PDLIM5: variants seen among roughly 807,000 people sequenced by gnomAD.
The protein encoded by PDLIM5 is PDZ and LIM domain protein 5.
Under a neutral mutation model 64.2 loss-of-function variants are expected in PDLIM5, and 34 were observed. The ratio of observed to expected loss-of-function variants is 0.53; its 90% CI spans 0.40 to 0.71. The LOEUF is 0.71. Ranked by LOEUF, PDLIM5 falls within the 30% of genes least tolerant of loss-of-function variation. The pLI is 0.00. For missense variants in PDLIM5, 683 were observed against 733.6 expected, an observed-to-expected ratio of 0.93 and a Z score of 0.80; for synonymous variants, 253 against 269.1, an observed-to-expected ratio of 0.94 and a Z score of 0.59.
At chr4:94,454,144 G>A (rs904333802) in intron 1 of PDLIM5, among the ~76,000 whole-genome samples, 6 of 151,958 alleles carry the variant, frequency 3.9e-5, no homozygotes, top group Non-Finnish European at 7.4e-5. Flanking sequence ...ATTAGGTGGT[G>A]ATTTGGTTGA....
At position 94,575,568 on chromosome 4, in the gene PDLIM5, G is replaced by A. The variant is rs571893588; in HGVS notation, c.292-48G>A. The stretch of plus-strand genomic sequence containing the variant: ...TGTTCTTTTCGGTGAAATATATTTT[G>A]CATGTGTTTGGTGTGGTTTTGTGTA... On this transcript the variant is annotated intron_variant, in intron 4 of 12. Coordinates refer to ENST00000317968, the MANE Select transcript of PDLIM5 (RefSeq NM_006457.5). 9.0e-6 allele frequency: 11 copies of A among 1,223,616 alleles called. No individual in the cohort carries two copies. In the South Asian group the frequency reaches 1.5e-4, roughly 17 times the overall value. 75.8% of individuals were successfully genotyped at this position (1,223,616 alleles called of 1,614,324 possible).
rs115743950 is a variant in PDLIM5 at position 94,575,789 on chromosome 4, G to A, written c.465G>A (p.Ala155=). Residue 155 remains alanine (A), a synonymous_variant, in exon 5 of 13, where the codon GCG becomes GCA. Coordinates refer to ENST00000317968, the MANE Select transcript of PDLIM5 (RefSeq NM_006457.5). ...CGTCTGCCTTCACCCCAGCCCATGC[G>A]ACCACCTCATCACATGCTTCCCCTT... ...SPSSAFTPAH[A]TTSSHASPSP... The A allele has an allele frequency of 0.015, 23,984 of 1,613,928 alleles. 262 individuals carry two copies. Among genetic ancestry groups the A allele is most frequent in the Non-Finnish European group, 0.019 (22,046 of 1,179,972 alleles).
intron 2 of PDLIM5, among the ~76,000 whole-genome samples, chr4:94,493,601 A>G (rs1727068210): frequency 6.6e-6 from 1 of 152,234 alleles, no homozygotes; most frequent in South Asian, 2.1e-4. Context: ...ACTCTATACC[A>G]TAAAGATGAT....
intron 3 of PDLIM5, among the ~76,000 whole-genome samples, chr4:94,565,528 T>A (rs900789479): frequency 2.0e-5 from 3 of 152,186 alleles, no homozygotes; most frequent in African/African-American, 7.2e-5. Context: ...CTTCCTTTAT[T>A]TTCTCAAGAC....
intron 8 of PDLIM5, among the ~76,000 whole-genome samples, chr4:94,632,527 T>A (rs891766714): frequency 2.0e-5 from 3 of 152,142 alleles, no homozygotes; most frequent in African/African-American, 7.2e-5. Context: ...AAAAAATTAC[T>A]GTGTTGGGAG....
intron 8 of PDLIM5, among the ~76,000 whole-genome samples, chr4:94,619,851 G>A (rs989034935): frequency 6.6e-6 from 1 of 151,984 alleles, no homozygotes; most frequent in African/African-American, 2.4e-5. Flanking sequence ...TCGAACTCCT[G>A]AGCTTAAGCG....
intron 9 of PDLIM5, among the ~76,000 whole-genome samples, chr4:94,647,345 A>G (rs1741496641): frequency 6.6e-6 from 1 of 152,178 alleles, no homozygotes; most frequent in African/African-American, 2.4e-5. Flanking sequence ...GAGAGTGAGA[A>G]TGACTGTACT....
At chr4:94,642,873 A>T (rs1273950124) in intron 9 of PDLIM5, among the ~76,000 whole-genome samples, 2 of 152,198 alleles carry the variant, frequency 1.3e-5, no homozygotes, top group African/African-American at 2.4e-5. Flanking sequence ...GCAGACTATT[A>T]TACCCTAGCA....
At chr4:94,655,719 A>C (rs1742159275) in intron 10 of PDLIM5, among the ~76,000 whole-genome samples, 1 of 152,226 alleles carries the variant, frequency 6.6e-6, no homozygotes, top group Non-Finnish European at 1.5e-5. Flanking sequence ...TATAAATGTT[A>C]GAATAACAAA....
intron 7 of PDLIM5, among the ~76,000 whole-genome samples, chr4:94,615,787 A>T (rs1738738519): frequency 6.6e-6 from 1 of 152,104 alleles, no homozygotes; most frequent in African/African-American, 2.4e-5. Flanking sequence ...GGATTTTTTT[A>T]TATTAGGAAT....
intron 2 of PDLIM5, among the ~76,000 whole-genome samples, chr4:94,500,972 G>C (rs1383750706): frequency 2.0e-5 from 3 of 151,946 alleles, no homozygotes; most frequent in Non-Finnish European, 4.4e-5. Flanking sequence ...TGTAGAGACA[G>C]GGTTTCGCCA....
Position 94,514,722 on chromosome 4 carries a change from T to G in PDLIM5, c.97-9002T>G, listed in dbSNP as rs142019849. On this transcript the variant is annotated intron_variant, in intron 2 of 12. Transcript: ENST00000317968. ...ACGGCTTTGGTCTCATTACTTACTA[T>G]TGGTCTGTTCAGGTTTTGGATTTCT... Among the ~76,000 whole-genome samples the G allele has an allele frequency of 1.5e-4, 23 of 152,320 alleles. No homozygotes were observed. The East Asian group carries it at 4.4e-3, about 29-fold the overall frequency.
At chr4:94,474,399 C>T (rs748502563) in intron 2 of PDLIM5, among the ~76,000 whole-genome samples, 42 of 151,766 alleles carry the variant, frequency 2.8e-4, no homozygotes, top group Middle Eastern at 3.4e-3. Context: ...TACAGGCATG[C>T]GCCACCACGC....
intron 3 of PDLIM5, among the ~76,000 whole-genome samples, chr4:94,560,242 T>A (rs867314828): frequency 1.3e-5 from 2 of 152,204 alleles, no homozygotes; most frequent in South Asian, 2.1e-4. Flanking sequence ...GCTTTCTCTT[T>A]GATTGAACTT....
intron 2 of PDLIM5, among the ~76,000 whole-genome samples, chr4:94,505,240 A>G (rs1470920950): frequency 6.6e-6 from 1 of 150,994 alleles, no homozygotes; most frequent in Admixed American, 6.6e-5. Flanking sequence ...ACTGCTCCAC[A>G]TTTCAGATGC....
intron 2 of PDLIM5, among the ~76,000 whole-genome samples, chr4:94,512,562 A>G (rs1201149004): frequency 6.6e-6 from 1 of 151,800 alleles, no homozygotes; most frequent in Non-Finnish European, 1.5e-5. Context: ...TGCCATTTGT[A>G]CGTCTTTTGA....
At chr4:94,565,582 C>T (rs1383914837) in intron 3 of PDLIM5, among the ~76,000 whole-genome samples, 2 of 152,196 alleles carry the variant, frequency 1.3e-5, no homozygotes, top group Non-Finnish European at 2.9e-5. Flanking sequence ...ATCTGCATGA[C>T]TACTAATGTC....
intron 2 of PDLIM5, among the ~76,000 whole-genome samples, chr4:94,458,454 G>A (rs913067947): frequency 2.0e-5 from 3 of 151,864 alleles, no homozygotes; most frequent in South Asian, 2.1e-4. Flanking sequence ...TTTAACCCCC[G>A]TAGTTGTAGG....
At chr4:94,454,964 T>G (rs1414380868) in intron 1 of PDLIM5, among the ~76,000 whole-genome samples, 2 of 152,226 alleles carry the variant, frequency 1.3e-5, no homozygotes, top group Non-Finnish European at 2.9e-5. Flanking sequence ...AGTTAAACTT[T>G]GCATGCAAGA....
Sources: allele counts gnomAD v4.1 joint callset (sites outside exome capture counted in the v4.1 genomes callset), GRCh38; gene constraint gnomAD v4.1.1; transcripts MANE v1.5; gene names NCBI Gene and HGNC (gene_info 2026-07-23, HGNC 2026-07-21).